Variants in NELL1 observed in about 807,000 individuals in gnomAD.
The protein encoded by NELL1 is neural EGFL like 1, also known as protein kinase C-binding protein NELL1.
In NELL1, 76 loss-of-function variants were observed where a neutral mutation model predicts 107.4. That is an observed-to-expected ratio of 0.71 (90% CI 0.59 to 0.86). The LOEUF (loss-of-function observed/expected upper bound fraction) is 0.86. NELL1 is among the 40% of genes least tolerant of loss of function. NELL1 has a pLI of 0.00. For synonymous variants in NELL1, 353 were observed against 341.2 expected, an observed-to-expected ratio of 1.03 and a Z score of -0.38; for missense variants, 1,024 against 1,005.5, an observed-to-expected ratio of 1.02 and a Z score of -0.25.
At chr11:20,715,821 A>T (rs187602180) in intron 2 of NELL1, among the ~76,000 whole-genome samples, 132 of 152,298 alleles carry the variant, frequency 8.7e-4, no homozygotes, top group African/African-American at 2.8e-3. Flanking sequence ...TGAATTAACC[A>T]TGGGGCCACA....
intron 5 of NELL1, among the ~76,000 whole-genome samples, chr11:20,904,222 A>T (rs979947679): frequency 1.3e-5 from 2 of 152,070 alleles, no homozygotes; most frequent in Non-Finnish European, 2.9e-5. Context: ...TAAATAAAAA[A>T]AAAAAGAAAA....
chr11:20,895,592 G>GC (rs1849718694), intron 5 of NELL1, among the ~76,000 whole-genome samples: 1 of 134,664 alleles, frequency 7.4e-6, no homozygotes, highest in Non-Finnish European at 1.5e-5. Flanking sequence ...TGCAACCTCC[G>GC]CCCCTCCAGG....
At chr11:21,535,404 A>G (rs1171588296) in intron 16 of NELL1, among the ~76,000 whole-genome samples, 1 of 152,078 alleles carries the variant, frequency 6.6e-6, no homozygotes, top group African/African-American at 2.4e-5. Flanking sequence ...GATTTTGAAT[A>G]TTTGTTTTCT....
intron 13 of NELL1, among the ~76,000 whole-genome samples, chr11:21,215,246 T>C (rs1384662891): frequency 3.3e-5 from 5 of 152,186 alleles, no homozygotes; most frequent in Admixed American, 2.6e-4. Flanking sequence ...GTGGCCACCA[T>C]GTAAAGAAGG....
At chr11:21,116,332 G>GT (rs1855234958) in intron 13 of NELL1, among the ~76,000 whole-genome samples, 1 of 151,632 alleles carries the variant, frequency 6.6e-6, no homozygotes, top group African/African-American at 2.4e-5. Flanking sequence ...GTACCCTCCG[G>GT]TTCTATCCTG....
intron 12 of NELL1, among the ~76,000 whole-genome samples, chr11:20,989,329 C>T (rs1383689353): frequency 2.0e-5 from 3 of 152,078 alleles, no homozygotes; most frequent in African/African-American, 7.2e-5. Context: ...TTAGCATGTT[C>T]CCAATTCTGG....
chr11:20,720,226 T>G (rs1590232062), intron 2 of NELL1, among the ~76,000 whole-genome samples: 1 of 143,060 alleles, frequency 7.0e-6, no homozygotes, highest in Admixed American at 7.3e-5. Context: ...TCTTTTGAGA[T>G]GGAGTCTTGC....
intron 15 of NELL1, among the ~76,000 whole-genome samples, chr11:21,476,218 G>T (rs867241942): frequency 3.2e-4 from 49 of 152,204 alleles, no homozygotes; most frequent in African/African-American, 1.2e-3. Context: ...TTTTAGCTGT[G>T]CCTGATTTAT....
intron 15 of NELL1, among the ~76,000 whole-genome samples, chr11:21,484,199 G>A (rs543335627): frequency 2.7e-5 from 4 of 148,988 alleles, no homozygotes; most frequent in African/African-American, 9.9e-5. Flanking sequence ...TGTCCCTATT[G>A]CTGTTTTTCC....
At chr11:21,391,373 A>C (rs1354839024) in intron 15 of NELL1, among the ~76,000 whole-genome samples, 1 of 151,468 alleles carries the variant, frequency 6.6e-6, no homozygotes, top group East Asian at 2.0e-4. Context: ...ACTTTGAAAA[A>C]CCTTTCAACT....
At chr11:20,720,117 G>T (rs992145100) in intron 2 of NELL1, among the ~76,000 whole-genome samples, 2 of 151,452 alleles carry the variant, frequency 1.3e-5, no homozygotes, top group African/African-American at 4.8e-5. Flanking sequence ...ATGAGAAAAC[G>T]TTGTTGCTTT....
chr11:21,434,827 A>AT (rs1324513093), intron 15 of NELL1, among the ~76,000 whole-genome samples: 4 of 151,766 alleles, frequency 2.6e-5, no homozygotes, highest in African/African-American at 9.7e-5. Flanking sequence ...GTCCTATTCC[A>AT]TTTTTTTGTG....
rs186736816 is a variant in NELL1, at chr11:21,478,061, T to C, written c.1646-56313T>C. On this transcript the variant is annotated intron_variant, in intron 15 of 19. Coordinates refer to ENST00000357134, the MANE Select transcript of NELL1 (RefSeq NM_006157.5). ...AAAGAAAGAGGTTTAATTGACTCAG[T>C]TCCTCATTGCTGGGGAGGCCCCAGG... Among the ~76,000 whole-genome samples, 12 of 152,130 alleles carry C rather than the reference T, an allele frequency of 7.9e-5. No individual in the cohort carries two copies. The East Asian group carries it at 2.3e-3, about 30-fold the overall frequency.
At chr11:20,870,144 G>C (rs1458914214) in intron 4 of NELL1, among the ~76,000 whole-genome samples, 3 of 152,136 alleles carry the variant, frequency 2.0e-5, no homozygotes, top group Non-Finnish European at 4.4e-5. Flanking sequence ...AGTAGGGCAG[G>C]CATCATTTTC....
At chr11:20,956,372 T>C (rs1303918386) in intron 11 of NELL1, among the ~76,000 whole-genome samples, 1 of 151,724 alleles carries the variant, frequency 6.6e-6, no homozygotes, top group African/African-American at 2.4e-5. Context: ...TCAGGCTGGG[T>C]GCGGTGGCTC....
intron 13 of NELL1, among the ~76,000 whole-genome samples, chr11:21,155,100 T>G (rs1244123699): frequency 6.6e-6 from 1 of 152,152 alleles, no homozygotes; most frequent in Non-Finnish European, 1.5e-5. Flanking sequence ...AGGATGCAGT[T>G]CCTAGAGATT....
intron 12 of NELL1, among the ~76,000 whole-genome samples, chr11:21,015,600 G>C (rs1331901653): frequency 6.6e-6 from 1 of 152,064 alleles, no homozygotes; most frequent in Non-Finnish European, 1.5e-5. Flanking sequence ...TGCCATTGTG[G>C]AAAGGTCAGC....
chr11:20,927,418 C>A lies in NELL1; in HGVS notation c.870C>A (p.Asp290Glu), dbSNP rs1399685369. 6.2e-7 allele frequency: 1 copy of A among 1,611,044 alleles called. No individual in the cohort carries two copies. The change falls in exon 8 of 20, where the codon GAC (aspartate) becomes GAA (glutamate). Residue 290 changes from aspartate to glutamate, a missense_variant. Physicochemically the swap from Asp to Glu is conservative, Grantham distance 45. Transcript: ENST00000357134. Reference sequence around the variant, plus strand: ...ATCAAGACTCTTGGGTAGATGGTGACCATTGCAGGAACTGCACTTGCAAAG... The same window carrying A: ...ATCAAGACTCTTGGGTAGATGGTGAACATTGCAGGAACTGCACTTGCAAAG... Reference protein sequence around the residue: ...YRDQDSWVDGDHCRNCTCKSG... With the variant: ...YRDQDSWVDGEHCRNCTCKSG...
intron 14 of NELL1, among the ~76,000 whole-genome samples, chr11:21,318,499 A>G (rs767043231): frequency 6.6e-6 from 1 of 152,278 alleles, no homozygotes; most frequent in South Asian, 2.1e-4. Flanking sequence ...GCTCTATCAG[A>G]CCATATATGT....
Sources: allele counts gnomAD v4.1 joint callset (sites outside exome capture counted in the v4.1 genomes callset), GRCh38; gene constraint gnomAD v4.1.1; transcripts MANE v1.5; gene names NCBI Gene and HGNC (gene_info 2026-07-23, HGNC 2026-07-21).